Variants in APBA1 observed in about 807,000 individuals in gnomAD.
APBA1 encodes amyloid-beta A4 precursor protein-binding family A member 1.
A neutral mutation model predicts 86.6 loss-of-function variants in APBA1; 55 were observed. The observed-to-expected ratio is 0.64, with a 90% confidence interval of 0.51 to 0.80. APBA1 has a LOEUF of 0.80. Among genes scored for constraint, APBA1 ranks in the 30% least tolerant of loss-of-function variants. APBA1 has a pLI of 0.00. For missense variants in APBA1, 1,090 were observed against 1,183.0 expected, an observed-to-expected ratio of 0.92 and a Z score of 1.15; for synonymous variants, 511 against 493.9, an observed-to-expected ratio of 1.03 and a Z score of -0.46.
At chr9:69,471,889 T>C (rs1170599575) in intron 3 of APBA1, among the ~76,000 whole-genome samples, 194 bp from the exon 4 acceptor site, 1 of 152,176 alleles carries the variant, frequency 6.6e-6, no homozygotes. Context: ...CCCAGAATAG[T>C]CCATTCATAT....
chr9:69,611,324 G>A (rs374335658), intron 1 of APBA1, among the ~76,000 whole-genome samples: 5 of 144,800 alleles, frequency 3.5e-5, no homozygotes, highest in East Asian at 2.0e-4. Flanking sequence ...AACCCAAACC[G>A]GCTAAAATGC....
At chr9:69,609,033 G>C (rs1012811777) in intron 1 of APBA1, among the ~76,000 whole-genome samples, 1 of 152,144 alleles carries the variant, frequency 6.6e-6, no homozygotes, top group Non-Finnish European at 1.5e-5. Context: ...TGCTGTATAT[G>C]TGACAGACTG....
intron 11 of APBA1, among the ~76,000 whole-genome samples, chr9:69,436,351 T>G (rs2133787406): frequency 6.7e-6 from 1 of 149,708 alleles, no homozygotes; most frequent in South Asian, 2.1e-4. Flanking sequence ...TGGCATTGAA[T>G]CTATAAATTA....
At chr9:69,584,184 T>C (rs546630932) in intron 1 of APBA1, among the ~76,000 whole-genome samples, 2 of 150,682 alleles carry the variant, frequency 1.3e-5, no homozygotes, top group African/African-American at 2.4e-5. Flanking sequence ...TATAATGAGA[T>C]AGATATGTAT....
At chr9:69,587,771 T>A (rs1228701136) in intron 1 of APBA1, among the ~76,000 whole-genome samples, 1 of 152,098 alleles carries the variant, frequency 6.6e-6, no homozygotes, top group Non-Finnish European at 1.5e-5. Context: ...AAGCCTGTAA[T>A]CCCAGCACTT....
intron 1 of APBA1, among the ~76,000 whole-genome samples, chr9:69,553,474 A>T (rs1836818492): frequency 6.6e-6 from 1 of 152,100 alleles, no homozygotes; most frequent in African/African-American, 2.4e-5. Context: ...TAGAGTATAT[A>T]CTCTTTTGTG....
At chr9:69,502,805 T>G (rs1835899596) in intron 2 of APBA1, among the ~76,000 whole-genome samples, 1 of 152,122 alleles carries the variant, frequency 6.6e-6, no homozygotes, top group African/African-American at 2.4e-5. Flanking sequence ...TCACTCCCAC[T>G]GCAGTTAGTA....
At chr9:69,481,436 G>A (rs1309964328) in intron 2 of APBA1, among the ~76,000 whole-genome samples, 1 of 151,934 alleles carries the variant, frequency 6.6e-6, no homozygotes, top group Non-Finnish European at 1.5e-5. Context: ...CCTCTTCAAG[G>A]AGAACTACAA....
At chr9:69,476,244 T>C (rs1835444553) in intron 2 of APBA1, 101 bp from the exon 3 acceptor site, 1 of 780,300 alleles carries the variant, frequency 1.3e-6, no homozygotes, top group Non-Finnish European at 2.1e-6. Flanking sequence ...CAGAACACAA[T>C]CGAACAGACA....
chr9:69,439,818 G>A (rs1320577564), intron 11 of APBA1, among the ~76,000 whole-genome samples: 2 of 152,196 alleles, frequency 1.3e-5, no homozygotes, highest in African/African-American at 4.8e-5. Flanking sequence ...TTGTTCCGTT[G>A]CTGGTAAGGA....
intron 1 of APBA1, among the ~76,000 whole-genome samples, chr9:69,640,970 GAGAA>G (rs999372616): frequency 3.3e-5 from 5 of 151,026 alleles, no homozygotes; most frequent in African/African-American, 7.3e-5. Flanking sequence ...GAGAGAGAGA[GAGAA>G]AGAAAGAAAG....
chr9:69,537,057 GTA>G (rs910182693), intron 1 of APBA1, among the ~76,000 whole-genome samples: 1 of 122,310 alleles, frequency 8.2e-6, no homozygotes. Context: ...ATATATATAT[GTA>G]TATATATATA....
chr9:69,436,721 A>G (rs559468640), intron 11 of APBA1, among the ~76,000 whole-genome samples: 1 of 152,072 alleles, frequency 6.6e-6, no homozygotes, highest in African/African-American at 2.4e-5. Flanking sequence ...TCATCTGCAA[A>G]CAGGGATAAT....
intron 2 of APBA1, among the ~76,000 whole-genome samples, chr9:69,489,184 C>T (rs1835661349): frequency 6.6e-6 from 1 of 152,042 alleles, no homozygotes; most frequent in Admixed American, 6.5e-5. Context: ...AATCCTAAGC[C>T]AAAAGGACAA....
chr9:69,577,389 A>G (rs958955444), intron 1 of APBA1, among the ~76,000 whole-genome samples: 12 of 152,208 alleles, frequency 7.9e-5, no homozygotes, highest in Non-Finnish European at 7.3e-5. Flanking sequence ...GGACTGGACC[A>G]GCCCCACATT....
At chr9:69,475,997 T>C (rs779282763) in intron 3 of APBA1, 51 bp downstream of exon 3, 6 of 1,452,346 alleles carry the variant, frequency 4.1e-6, no homozygotes, top group Non-Finnish European at 5.8e-6. Flanking sequence ...AGAACAGTAT[T>C]AGAGTAAAGC....
chr9:69,556,866 T>TGCTTGA (rs1836868799), intron 1 of APBA1, among the ~76,000 whole-genome samples: 1 of 152,102 alleles, frequency 6.6e-6, no homozygotes, highest in African/African-American at 2.4e-5. Context: ...CTCATAGTAA[T>TGCTTGA]AATGGAGTCA....
intron 2 of APBA1, among the ~76,000 whole-genome samples, chr9:69,508,891 A>AG (rs1246058716): frequency 1.4e-5 from 2 of 146,140 alleles, no homozygotes; most frequent in African/African-American, 5.0e-5. Context: ...GACACAACAT[A>AG]CCAGAATCTC....
chr9:69,521,295 G>A (rs984118965), intron 1 of APBA1, among the ~76,000 whole-genome samples: 2 of 152,078 alleles, frequency 1.3e-5, no homozygotes, highest in African/African-American at 2.4e-5. Flanking sequence ...ACTTCATCCC[G>A]CACCCTGCAT....
Sources: allele counts gnomAD v4.1 joint callset (sites outside exome capture counted in the v4.1 genomes callset), GRCh38; gene constraint gnomAD v4.1.1; transcripts MANE v1.5; gene names NCBI Gene and HGNC (gene_info 2026-07-23, HGNC 2026-07-21).